The following CENPW variants were observed in gnomAD, a reference collection of about 807,000 sequenced individuals.
CENPW encodes the protein centromere protein W.
In CENPW, 3 loss-of-function variants were observed where a neutral mutation model predicts 11.1. The ratio of observed to expected loss-of-function variants is 0.27; its 90% confidence interval spans 0.12 to 0.70. The LOEUF is 0.70. Ranked by LOEUF, CENPW falls within the 30% of genes least tolerant of loss-of-function variation. The probability of loss-of-function intolerance (pLI) is 0.77; values close to 1 mark genes in which losing one functional copy is unlikely to be tolerated. For missense variants in CENPW, 100 were observed against 105.6 expected (o/e 0.95, Z 0.23); for synonymous variants, 38 against 42.0 (o/e 0.91, Z 0.37).
chr6:126,479,602 G>C, the CENPW span, among the ~76,000 whole-genome samples: 1 of 151,972 alleles, frequency 6.6e-6, no homozygotes, highest in African/African-American at 2.4e-5. Flanking sequence ...CTGGTGGTGT[G>C]GGAAGTAAGG....
At chr6:126,442,233 T>G in the CENPW span, among the ~76,000 whole-genome samples, 2 of 151,720 alleles carry the variant, frequency 1.3e-5, no homozygotes, top group African/African-American at 4.8e-5. Context: ...ATATGTTTGT[T>G]GGCCATTTGT....
At chr6:126,421,758 A>T in the CENPW span, among the ~76,000 whole-genome samples, 2 of 152,078 alleles carry the variant, frequency 1.3e-5, no homozygotes, top group Non-Finnish European at 2.9e-5. Flanking sequence ...AGCCGAATGA[A>T]TGCAATAGAT....
At chr6:126,406,384 G>A in the CENPW span, among the ~76,000 whole-genome samples, 2 of 151,984 alleles carry the variant, frequency 1.3e-5, no homozygotes, top group African/African-American at 4.8e-5. Context: ...TGTTCATCAA[G>A]GATATTGAAC....
the CENPW span, among the ~76,000 whole-genome samples, chr6:126,362,478 A>C: frequency 6.6e-6 from 1 of 152,232 alleles, no homozygotes; most frequent in Admixed American, 6.5e-5. Flanking sequence ...CTTCCTCTTC[A>C]GCCTCAGTGT....
the CENPW span, among the ~76,000 whole-genome samples, chr6:126,356,700 C>T: frequency 5.6e-3 from 853 of 152,016 alleles, 11 homozygotes; most frequent in African/African-American, 0.019. Flanking sequence ...ATGATGAATA[C>T]CTTTTCATAT....
At chr6:126,461,222 T>G in the CENPW span, among the ~76,000 whole-genome samples, 1 of 150,736 alleles carries the variant, frequency 6.6e-6, no homozygotes, top group African/African-American at 2.4e-5. Flanking sequence ...AGTGAATAAG[T>G]CTCATGAGAT....
chr6:126,469,054 A>G, the CENPW span, among the ~76,000 whole-genome samples: 4 of 152,144 alleles, frequency 2.6e-5, no homozygotes, highest in Non-Finnish European at 2.9e-5. Context: ...TCGGTCCCCC[A>G]AAGTGCTGGA....
At chr6:126,393,358 T>G in the CENPW span, among the ~76,000 whole-genome samples, 2 of 151,904 alleles carry the variant, frequency 1.3e-5, no homozygotes, top group Non-Finnish European at 2.9e-5. Flanking sequence ...TTTCTAGTTC[T>G]TTAAGATGCA....
At chr6:126,372,713 A>G in the CENPW span, among the ~76,000 whole-genome samples, 4 of 152,196 alleles carry the variant, frequency 2.6e-5, no homozygotes, top group African/African-American at 9.6e-5. Context: ...TATTTTTTGA[A>G]CAAGCCTCCA....
chr6:126,387,240 C>T, the CENPW span, among the ~76,000 whole-genome samples: 56 of 151,956 alleles, frequency 3.7e-4, no homozygotes, highest in South Asian at 2.1e-3. Context: ...ATGAAATCTA[C>T]ATATCTGCAG....
the CENPW span, among the ~76,000 whole-genome samples, chr6:126,367,834 G>A: frequency 1.3e-5 from 2 of 152,172 alleles, no homozygotes; most frequent in Admixed American, 1.3e-4. Flanking sequence ...TGATGTGGGA[G>A]AATTCAGGAA....
chr6:126,366,217 AT>A, the CENPW span, among the ~76,000 whole-genome samples: 15 of 151,928 alleles, frequency 9.9e-5, no homozygotes, highest in East Asian at 5.8e-4. Context: ...CCTTCAAAAT[AT>A]TTTTTTTCTT....
the CENPW span, among the ~76,000 whole-genome samples, chr6:126,358,465 T>G: frequency 1.3e-5 from 2 of 152,194 alleles, no homozygotes; most frequent in Non-Finnish European, 2.9e-5. Context: ...ACTGAAATAA[T>G]CATATGGTTT....
chr6:126,361,338 C>G, the CENPW span, among the ~76,000 whole-genome samples: 2 of 152,000 alleles, frequency 1.3e-5, no homozygotes, highest in African/African-American at 4.8e-5. Context: ...GTCTTGCTCT[C>G]GCCCAGGATG....
At chr6:126,470,847 G>A in the CENPW span, among the ~76,000 whole-genome samples, 2 of 152,308 alleles carry the variant, frequency 1.3e-5, no homozygotes, top group South Asian at 2.1e-4. Context: ...CAGGGCCTGT[G>A]GCCCCTTTGT....
chr6:126,414,709 C>G, the CENPW span, among the ~76,000 whole-genome samples: 1 of 151,566 alleles, frequency 6.6e-6, no homozygotes, highest in East Asian at 1.9e-4. Context: ...AATGATGCAT[C>G]TCAAGGAATT....
chr6:126,429,139 CTT>C, the CENPW span, among the ~76,000 whole-genome samples: 2 of 152,132 alleles, frequency 1.3e-5, no homozygotes, highest in East Asian at 3.9e-4. Flanking sequence ...TGATTAATCT[CTT>C]TTGTTATTAT....
chr6:126,369,409 T>C, the CENPW span, among the ~76,000 whole-genome samples: 39 of 152,210 alleles, frequency 2.6e-4, no homozygotes, highest in African/African-American at 9.4e-4. Context: ...TGTGGAAAAG[T>C]GTCCCCTTTT....
At chr6:126,376,817 G>C in the CENPW span, among the ~76,000 whole-genome samples, 1 of 152,182 alleles carries the variant, frequency 6.6e-6, no homozygotes, top group Non-Finnish European at 1.5e-5. Context: ...GCCATTGATT[G>C]ATAAAAGGAG....
Sources: allele counts gnomAD v4.1 joint callset (sites outside exome capture counted in the v4.1 genomes callset), GRCh38; gene constraint gnomAD v4.1.1; transcripts MANE v1.5; gene names NCBI Gene and HGNC (gene_info 2026-07-23, HGNC 2026-07-21).